IARS2: variants seen among roughly 807,000 people sequenced by gnomAD.
IARS2 encodes the protein isoleucyl-tRNA synthetase 2, mitochondrial.
Under a neutral mutation model 126.3 loss-of-function variants are expected in IARS2, and 56 were observed. The ratio of observed to expected loss-of-function variants is 0.44; its 90% CI spans 0.36 to 0.55. The LOEUF is 0.55. Among genes scored for constraint, IARS2 ranks in the 20% least tolerant of loss-of-function variants. The pLI, the probability that IARS2 is intolerant of heterozygous loss-of-function variation, is 0.00. For synonymous variants in IARS2, 407 were observed against 441.1 expected, an observed-to-expected ratio of 0.92 and a Z score of 0.97; for missense variants, 1,127 against 1,245.9, an observed-to-expected ratio of 0.90 and a Z score of 1.44.
chr1:220,120,691 A>G (rs187533555), intron 12 of IARS2, among the ~76,000 whole-genome samples: 2 of 152,252 alleles, frequency 1.3e-5, no homozygotes, highest in Admixed American at 1.3e-4. Flanking sequence ...TAATTTATTC[A>G]ATTGACAAAA....
intron 15 of IARS2, among the ~76,000 whole-genome samples, chr1:220,136,600 C>T (rs1030393449): frequency 7.5e-6 from 1 of 133,720 alleles, no homozygotes; most frequent in South Asian, 2.3e-4. Context: ...TGCCACTGCA[C>T]TGCAGCCTGG....
chr1:220,116,127 C>T (rs546768231), intron 12 of IARS2, among the ~76,000 whole-genome samples: 1 of 152,164 alleles, frequency 6.6e-6, no homozygotes, highest in African/African-American at 2.4e-5. Context: ...GAGGATCGCT[C>T]AAGTCCAGGA....
At chr1:220,095,906 C>T (rs936559388) in intron 1 of IARS2, among the ~76,000 whole-genome samples, 198 bp from the exon 2 acceptor site, 3 of 152,116 alleles carry the variant, frequency 2.0e-5, no homozygotes, top group Admixed American at 6.5e-5. Flanking sequence ...GGGGACATTA[C>T]TGAAAGATTT....
At chr1:220,141,781 T>C (rs1338604786) in intron 19 of IARS2, 22 bp from the exon 20 acceptor site, 1 of 1,612,336 alleles carries the variant, frequency 6.2e-7, no homozygotes, top group Non-Finnish European at 8.5e-7. Context: ...TGTCAACTGC[T>C]GAATAAGTTG....
chr1:220,143,397 TC>T (rs1657527743), intron 21 of IARS2: 1 of 255,732 alleles, frequency 3.9e-6, no homozygotes, highest in African/African-American at 2.2e-5. Flanking sequence ...CGTCTTCTAA[TC>T]CTGATATCAT....
intron 12 of IARS2, 72 bp from the exon 13 acceptor site, chr1:220,125,165 C>G: frequency 2.3e-6 from 2 of 856,114 alleles, no homozygotes; most frequent in Non-Finnish European, 3.6e-6. Flanking sequence ...ATCACTATTT[C>G]TTAATTTTAA....
chr1:220,125,128 C>T, intron 12 of IARS2, 109 bp from the exon 13 acceptor site: 1 of 573,022 alleles, frequency 1.7e-6, no homozygotes. Context: ...TTTCTTCAAA[C>T]TAAGGTTTGA....
chr1:220,126,924 A>C (rs1034700975), intron 14 of IARS2, 81 bp downstream of exon 14: 7 of 980,534 alleles, frequency 7.1e-6, no homozygotes, highest in Non-Finnish European at 9.3e-6. Flanking sequence ...CTATAATCAA[A>C]CTCTTTTTCT....
intron 22 of IARS2, among the ~76,000 whole-genome samples, chr1:220,146,555 T>G (rs1464963351): frequency 1.4e-5 from 2 of 142,672 alleles, no homozygotes; most frequent in African/African-American, 5.0e-5. Flanking sequence ...TATCTTATGC[T>G]GCTTGTGTTT....
chr1:220,112,142 T>G (rs1303900550), intron 11 of IARS2, among the ~76,000 whole-genome samples: 1 of 112,660 alleles, frequency 8.9e-6, no homozygotes, highest in Non-Finnish European at 1.9e-5. Flanking sequence ...TTTTTTTTTT[T>G]TTTGAGACGG....
intron 19 of IARS2, among the ~76,000 whole-genome samples, chr1:220,141,270 A>G (rs941970410): frequency 2.6e-5 from 4 of 152,226 alleles, no homozygotes; most frequent in Non-Finnish European, 5.9e-5. Context: ...AGAGAGATAT[A>G]TATGTGCAAT....
intron 2 of IARS2, among the ~76,000 whole-genome samples, chr1:220,098,130 A>T (rs886594317): frequency 4.0e-5 from 6 of 149,674 alleles, no homozygotes; most frequent in African/African-American, 1.5e-4. Context: ...CTCATGATCC[A>T]CCCGCCTCGG....
intron 12 of IARS2, among the ~76,000 whole-genome samples, chr1:220,116,291 A>C (rs1208880111): frequency 1.3e-5 from 2 of 152,264 alleles, no homozygotes; most frequent in Admixed American, 1.3e-4. Flanking sequence ...ACAGTGAACA[A>C]GACTGACATG....
chr1:220,125,708 G>C (rs1002924926), intron 13 of IARS2, among the ~76,000 whole-genome samples: 1 of 152,054 alleles, frequency 6.6e-6, no homozygotes, highest in Non-Finnish European at 1.5e-5. Context: ...GGGAGGTTGA[G>C]GGGGGAGGAT....
rs1433564741 is a variant in IARS2, at chr1:220,096,346, AT to A, written c.390+124del. The A allele has an allele frequency of 5.6e-6, 4 of 714,642 alleles. No individual in the cohort carries two copies. The Admixed American group carries it at 1.4e-4, about 25-fold the overall frequency. 44.3% of individuals were successfully genotyped at this position (714,642 alleles called of 1,614,324 possible). A position where few individuals can be genotyped will look rare whatever the true frequency, so the allele number is the denominator to read the frequency against. On this transcript the variant is annotated intron_variant, in intron 2 of 22. Coordinates refer to ENST00000366922, the MANE Select transcript of IARS2 (RefSeq NM_018060.4). The stretch of plus-strand genomic sequence containing the variant: ...TTAGATTTGCACATAAAACTAAAAC[AT>A]TTTCATAGAAAGCAATATACAATTT...
chr1:220,144,363 G>GA, intron 21 of IARS2: 1 of 657,820 alleles, frequency 1.5e-6, no homozygotes, highest in Non-Finnish European at 2.7e-6. Context: ...TGGTGGTGCA[G>GA]AAAGACGGTG....
chr1:220,103,639 C>T, intron 8 of IARS2, 77 bp downstream of exon 8: 1 of 870,538 alleles, frequency 1.1e-6, no homozygotes, highest in South Asian at 1.4e-5. Flanking sequence ...TGCTGAACTG[C>T]ATATTTTGAA....
intron 11 of IARS2, among the ~76,000 whole-genome samples, chr1:220,112,820 G>A (rs897940757): frequency 2.0e-5 from 3 of 151,744 alleles, no homozygotes; most frequent in African/African-American, 7.3e-5. Flanking sequence ...CGGCCTCTCA[G>A]AGTGCTGTAA....
At chr1:220,124,608 C>G (rs1657116824) in intron 12 of IARS2, among the ~76,000 whole-genome samples, 1 of 152,186 alleles carries the variant, frequency 6.6e-6, no homozygotes, top group Non-Finnish European at 1.5e-5. Flanking sequence ...TGTGCATGGT[C>G]ATATAAATAC....
Sources: gnomAD v4.1 joint callset for allele counts (sites outside exome capture counted in the v4.1 genomes callset) on GRCh38, gnomAD v4.1.1 for gene constraint, MANE v1.5 for transcripts, NCBI Gene and HGNC (gene_info 2026-07-23, HGNC 2026-07-21) for gene names.